TUBGCP2: variants seen among roughly 807,000 people sequenced by gnomAD.
The protein encoded by TUBGCP2 is tubulin gamma complex component 2.
Under a neutral mutation model 92.2 loss-of-function variants are expected in TUBGCP2, and 55 were observed. That is an observed-to-expected ratio of 0.60 (90% CI 0.48 to 0.75). The LOEUF is 0.75. TUBGCP2 is among the 30% of genes least tolerant of loss of function. TUBGCP2 has a pLI of 0.00. For synonymous variants in TUBGCP2, 533 were observed against 505.2 expected, an observed-to-expected ratio of 1.06 and a Z score of -0.74; for missense variants, 1,093 against 1,188.9, an observed-to-expected ratio of 0.92 and a Z score of 1.19.
At chr10:133,306,039 A>G (rs1847810254) in intron 1 of TUBGCP2, among the ~76,000 whole-genome samples, 1 of 152,252 alleles carries the variant, frequency 6.6e-6, no homozygotes, top group African/African-American at 2.4e-5. Flanking sequence ...AGAAGGGCCC[A>G]TACGTGGTAA....
chr10:133,280,425 G>A (rs1047758064), intron 17 of TUBGCP2, among the ~76,000 whole-genome samples: 1 of 152,198 alleles, frequency 6.6e-6, no homozygotes, highest in Non-Finnish European at 1.5e-5. Flanking sequence ...GCACAAATAG[G>A]CACCTTCCCA....
chr10:133,292,173 A>G (rs543391776), intron 8 of TUBGCP2, among the ~76,000 whole-genome samples: 2 of 2,194 alleles, frequency 9.1e-4, no homozygotes, highest in East Asian at 0.012. Context: ...GGCAGCATGC[A>G]CACTCCGTGT....
Position 133,293,553 on chromosome 10 carries a change from G to A in TUBGCP2, c.824+9C>T, listed in dbSNP as rs535707655. 8.0e-5 allele frequency: 124 copies of A among 1,550,150 alleles called. No individual in the cohort carries two copies. Among genetic ancestry groups the A allele is most frequent in the Admixed American group, 2.0e-4 (10 of 51,042 alleles). On this transcript the variant is annotated intron_variant, in intron 6 of 17. Coordinates refer to ENST00000252936, the MANE Select transcript of TUBGCP2 (RefSeq NM_006659.4). Reference sequence around the variant, plus strand: ...GCGCAGGCTCCCAGGGACCGCGCCCGGTGCCCACCTGGTCACAGCGGAGTA... The same window carrying A: ...GCGCAGGCTCCCAGGGACCGCGCCCAGTGCCCACCTGGTCACAGCGGAGTA...
At chr10:133,296,681 C>T (rs1176485530) in intron 5 of TUBGCP2, among the ~76,000 whole-genome samples, 1 of 152,032 alleles carries the variant, frequency 6.6e-6, no homozygotes, top group African/African-American at 2.4e-5. Flanking sequence ...CTCGTCCTGT[C>T]GCCCAGGCTG....
At chr10:133,287,819 A>G (rs1257782363) in intron 11 of TUBGCP2, among the ~76,000 whole-genome samples, 5 of 152,168 alleles carry the variant, frequency 3.3e-5, no homozygotes, top group African/African-American at 1.2e-4. Context: ...ACCCTTTCAA[A>G]AGACCTGAAA....
chr10:133,285,705 G>A lies in TUBGCP2; in HGVS notation c.1723-77C>T, dbSNP rs1046559090. ...AAGTCGCATCCCGATCGCCATCCTC[G>A]CTCACAGACCCAGCGCTGACGTAAG... On this transcript the variant is annotated intron_variant, in intron 11 of 17. Coordinates refer to ENST00000252936, the MANE Select transcript of TUBGCP2 (RefSeq NM_006659.4). The surrounding 1 kb of genome is among the most constrained non-coding windows in gnomAD (Gnocchi z 6.8). 7.5e-5 allele frequency: 105 copies of A among 1,395,206 alleles called. No homozygotes were observed. The highest frequency in any genetic ancestry group is 9.4e-5 in the Non-Finnish European group (99 of 1,057,974). 86.4% of individuals were successfully genotyped at this position (1,395,206 alleles called of 1,614,324 possible).
chr10:133,292,900 G>A, intron 7 of TUBGCP2, 139 bp downstream of exon 7: 5 of 1,131,048 alleles, frequency 4.4e-6, no homozygotes, highest in Non-Finnish European at 6.2e-6. Flanking sequence ...AATAGCACAT[G>A]GAGCAACATG....
chr10:133,281,398 G>A lies in TUBGCP2; in HGVS notation c.2448C>T (p.Ser816=), dbSNP rs761735172. 8.6e-5 allele frequency: 138 copies of A among 1,613,494 alleles called. No homozygotes were observed. In the East Asian group the frequency reaches 1.5e-3, roughly 17 times the overall value. Residue 816 remains serine, a synonymous_variant, in exon 17 of 18, where the codon TCC becomes TCT. Coordinates refer to ENST00000252936, the MANE Select transcript of TUBGCP2 (RefSeq NM_006659.4). ...AEHADTVQLV[S]GFEATINKFD... Reference sequence around the variant, plus strand: ...ACTTGTTGATGGTGGCCTCGAAGCCGGACACCAGCTGCACAGTGTCTGCGT... The same window carrying A: ...ACTTGTTGATGGTGGCCTCGAAGCCAGACACCAGCTGCACAGTGTCTGCGT...
chr10:133,300,155 T>G, intron 2 of TUBGCP2, 42 bp from the exon 3 acceptor site: 1 of 1,582,834 alleles, frequency 6.3e-7, no homozygotes. Flanking sequence ...CGGTAATTAA[T>G]AAAGCACTGT....
At chr10:133,308,936 C>G, upstream of TUBGCP2, 2 of 1,223,670 alleles carry the variant, frequency 1.6e-6, no homozygotes, top group Non-Finnish European at 2.0e-6. Flanking sequence ...CCGCCCGCGC[C>G]CGGGGTGATG....
intron 5 of TUBGCP2, chr10:133,295,729 C>T (rs1246502649): frequency 1.3e-5 from 2 of 152,466 alleles, no homozygotes; most frequent in African/African-American, 4.8e-5. Flanking sequence ...GCAGCTGCCT[C>T]GTGCTCACAA....
intron 14 of TUBGCP2, among the ~76,000 whole-genome samples, chr10:133,283,674 TCCC>T (rs1847046942): frequency 5.7e-4 from 4 of 6,958 alleles, no homozygotes; most frequent in African/African-American, 1.7e-3. Flanking sequence ...CTCCCTGCAC[TCCC>T]TGCCTCTCCC....
rs912340180 is a variant in TUBGCP2, at chr10:133,285,936, G to C, written c.1723-308C>G. Among the ~76,000 whole-genome samples the C allele has an allele frequency of 1.3e-5, 2 of 152,140 alleles. No homozygotes were observed. The highest frequency in any genetic ancestry group is 2.4e-5 in the African/African-American group (1 of 41,436). ...TGAAAGAAACGTGATTCCTTAGGAC[G>C]AAAACCTTTGTACCATGATAAGCAC... On this transcript the variant is annotated intron_variant, in intron 11 of 17. Transcript: ENST00000252936. The surrounding 1 kb of genome is among the most constrained non-coding windows in gnomAD (Gnocchi z 6.8).
chr10:133,310,851 G>GA (rs139587303), upstream of TUBGCP2, among the ~76,000 whole-genome samples: 922 of 152,184 alleles, frequency 6.1e-3, 10 homozygotes, highest in African/African-American at 0.021. Flanking sequence ...ACCCAGGCTG[G>GA]AGTGTAGTGG....
rs112377366 is a variant in TUBGCP2 at position 133,299,659 on chromosome 10, G to C, written c.280-56C>G. The C allele has an allele frequency of 4.1e-6, 6 of 1,464,410 alleles. No homozygotes were observed. The Admixed American group carries it at 5.8e-5, about 14-fold the overall frequency. 90.7% of individuals were successfully genotyped at this position (1,464,410 alleles called of 1,614,324 possible). ...TGGGCCAGCACCTCTTTGGCCATAG[G>C]GGGAGAGTAGGGACGACACCACCAG... On this transcript the variant is annotated intron_variant, in intron 3 of 17. Transcript: ENST00000252936.
intron 16 of TUBGCP2, 49 bp downstream of exon 16, chr10:133,282,174 C>G (rs756442929): frequency 6.2e-7 from 1 of 1,609,292 alleles, no homozygotes; most frequent in South Asian, 1.1e-5. Flanking sequence ...AGGCTGCCGC[C>G]CAGCCGGGAG....
In TUBGCP2 at chr10:133,298,033, C is replaced by G; in HGVS notation, c.535G>C (p.Ala179Pro). 3.7e-6 allele frequency: 6 copies of G among 1,614,160 alleles called. No homozygotes were observed. The highest frequency in any genetic ancestry group is 4.2e-6 in the Non-Finnish European group (5 of 1,180,022). ...AGGGCAGGTCTCTCATACACCCATG[C>G]TGGGAAGATGGGGAGGTGCTGGCCT... ...NSGQHLPIFP[A>P]WVYERPALIG... The change falls in exon 5 of 18, where the codon GCA becomes CCA. Residue 179 changes from alanine to proline, a missense_variant. Physicochemically the swap from Ala to Pro is conservative, Grantham distance 27 (BLOSUM62 -1). Transcript: ENST00000252936.
chr10:133,298,020 T>C lies in TUBGCP2; in HGVS notation c.548A>G (p.Glu183Gly), dbSNP rs1259927516. ...HLPIFPAWVYERPALIGDFLI... is the reference protein window; with the variant it reads ...HLPIFPAWVYGRPALIGDFLI... ...GAAATCCCCGATCAGGGCAGGTCTC[T>C]CATACACCCATGCTGGGAAGATGGG... The change falls in exon 5 of 18, where the codon GAG becomes GGG. Residue 183 changes from glutamate (E) to glycine (G), a missense_variant. By Grantham distance (98) the Glu-to-Gly change is moderately conservative. Around this residue, in one of 3 missense-constraint regions of TUBGCP2, gnomAD observed 490 missense variants for 488.5 expected, o/e 1.00. Coordinates refer to ENST00000252936, the MANE Select transcript of TUBGCP2 (RefSeq NM_006659.4). 1 of 1,614,028 alleles carries C rather than the reference T, an allele frequency of 6.2e-7. No individual in the cohort carries two copies. The highest frequency in any genetic ancestry group is 1.3e-5 in the African/African-American group (1 of 74,936).
chr10:133,303,103 G>A (rs1847715154), intron 1 of TUBGCP2, 123 bp from the exon 2 acceptor site: 3 of 896,432 alleles, frequency 3.3e-6, no homozygotes. Flanking sequence ...GGCCTGCCTG[G>A]CCTAGGGCCC....
Sources: allele counts gnomAD v4.1 joint callset (sites outside exome capture counted in the v4.1 genomes callset), GRCh38; gene constraint gnomAD v4.1.1; regional missense constraint gnomAD v4.1.1; non-coding constraint Gnocchi (gnomAD v3.1); transcripts MANE v1.5; gene names NCBI Gene and HGNC (gene_info 2026-07-23, HGNC 2026-07-21).